Variants in HMGXB3 observed in about 807,000 individuals in gnomAD.
HMGXB3 encodes HMG domain-containing protein 3.
Under a neutral mutation model 121.5 loss-of-function variants are expected in HMGXB3, and 45 were observed. The observed-to-expected ratio is 0.37, with a 90% CI of 0.29 to 0.47. The LOEUF (loss-of-function observed/expected upper bound fraction) is 0.47, where lower values mean the gene tolerates loss of function less well. Ranked by LOEUF, HMGXB3 falls within the 20% of genes least tolerant of loss-of-function variation. The probability of loss-of-function intolerance (pLI) is 0.99; values close to 1 mark genes in which losing one functional copy is unlikely to be tolerated. For synonymous variants in HMGXB3, 590 were observed against 624.1 expected, an observed-to-expected ratio of 0.95 and a Z score of 0.81; for missense variants, 1,376 against 1,602.2, an observed-to-expected ratio of 0.86 and a Z score of 2.41.
chr5:150,052,037 G>A lies in HMGXB3; in HGVS notation c.3724G>A (p.Glu1242Lys), dbSNP rs1338790763. Residue 1242 changes from glutamate to lysine, a missense_variant, in exon 20 of 20, where the codon GAA (glutamate) becomes AAA (lysine). By Grantham distance (56) the Glu-to-Lys change is moderately conservative. Around this residue, in one of 2 missense-constraint regions of HMGXB3, gnomAD observed 260 missense variants for 233.2 expected, o/e 1.11. Coordinates refer to ENST00000502717, the MANE Select transcript of HMGXB3 (RefSeq NM_014983.3). ...NRLMDFLTSR[E>K]IVNRQIHDIV... ...CCTCATGGACTTCCTCACCAGCCGC[G>A]AAATTGTCAATCGTCAGATCCATGA... 7 of 1,552,060 alleles carry A rather than the reference G, an allele frequency of 4.5e-6. No homozygotes were observed. The highest frequency in any genetic ancestry group is 4.1e-5 in the African/African-American group (3 of 73,182).
In HMGXB3 at chr5:150,003,687, T is replaced by C. The variant is rs183899478; in HGVS notation, c.-2-1164T>C. Reference sequence around the variant, plus strand: ...TAGGAATGAACCCAGCAGGGCACAGTGTAATCCCACTCATGCCTGTAATAC... The same window carrying C: ...TAGGAATGAACCCAGCAGGGCACAGCGTAATCCCACTCATGCCTGTAATAC... On this transcript the variant is annotated intron_variant, in intron 1 of 19. Transcript: ENST00000502717. Among the ~76,000 whole-genome samples the C allele has an allele frequency of 1.4e-3, 210 of 151,748 alleles. 2 individuals carry two copies. In the South Asian group the frequency reaches 0.035, roughly 26 times the overall value.
chr5:150,025,344 T>C (rs1756202580), intron 7 of HMGXB3, among the ~76,000 whole-genome samples: 1 of 152,196 alleles, frequency 6.6e-6, no homozygotes, highest in Non-Finnish European at 1.5e-5. Context: ...AAGACCCTTA[T>C]TTGTATCAAT....
chr5:150,044,642 C>G (rs1475252735), intron 15 of HMGXB3, among the ~76,000 whole-genome samples: 1 of 152,192 alleles, frequency 6.6e-6, no homozygotes, highest in Non-Finnish European at 1.5e-5. Flanking sequence ...GATACTCTTG[C>G]TGCTTGTCCA....
rs140189033 is a variant in HMGXB3 at position 150,042,224 on chromosome 5, T to C, written c.2730+255T>C. Among the ~76,000 whole-genome samples, 954 of 152,338 alleles carry C rather than the reference T, an allele frequency of 6.3e-3. 9 individuals are homozygous for C. The highest frequency in any genetic ancestry group is 0.021 in the African/African-American group (890 of 41,570). On this transcript the variant is annotated intron_variant, in intron 15 of 19. Coordinates refer to ENST00000502717, the MANE Select transcript of HMGXB3 (RefSeq NM_014983.3). ...TCAAAAAATATATATAGTAAATATA[T>C]TGAACATAAACTAAATGCATGTTTT...
At chr5:150,015,044 G>A in intron 5 of HMGXB3, 2 of 481,966 alleles carry the variant, frequency 4.1e-6, no homozygotes, top group Non-Finnish European at 3.5e-6. Context: ...CCTAAATGTT[G>A]TGGTCATTAA....
chr5:150,030,577 C>G (rs1463537674), intron 9 of HMGXB3, 164 bp from the exon 10 acceptor site: 3 of 599,308 alleles, frequency 5.0e-6, no homozygotes, highest in Non-Finnish European at 9.1e-6. Flanking sequence ...TGACACTCAG[C>G]CTTTGGTGGG....
intron 11 of HMGXB3, among the ~76,000 whole-genome samples, chr5:150,035,762 G>T (rs1335857103): frequency 6.6e-6 from 1 of 152,154 alleles, no homozygotes; most frequent in African/African-American, 2.4e-5. Flanking sequence ...CCATTGAAGA[G>T]AGACCTGCTT....
At chr5:150,002,234 G>A (rs1446320579) in intron 1 of HMGXB3, among the ~76,000 whole-genome samples, 1 of 152,114 alleles carries the variant, frequency 6.6e-6, no homozygotes, top group East Asian at 1.9e-4. Context: ...TCTAGGAGAG[G>A]TTTTTTGTTG....
chr5:150,026,112 G>C (rs550488645), intron 7 of HMGXB3, among the ~76,000 whole-genome samples: 2 of 152,024 alleles, frequency 1.3e-5, no homozygotes, highest in South Asian at 4.1e-4. Flanking sequence ...TTACAGGCGT[G>C]AGCTACCGCG....
intron 11 of HMGXB3, among the ~76,000 whole-genome samples, chr5:150,036,238 G>A (rs1756498750): frequency 6.6e-6 from 1 of 152,126 alleles, no homozygotes; most frequent in Non-Finnish European, 1.5e-5. Flanking sequence ...TGACTATCCT[G>A]TATCTGAAGT....
intron 6 of HMGXB3, chr5:150,021,622 G>A (rs1756095750): frequency 1.9e-6 from 1 of 515,696 alleles, no homozygotes; most frequent in Non-Finnish European, 3.8e-6. Flanking sequence ...ACTGATGGAA[G>A]TAATTTGCTT....
At chr5:150,027,325 T>A (rs1469755675) in intron 9 of HMGXB3, among the ~76,000 whole-genome samples, 2 of 152,214 alleles carry the variant, frequency 1.3e-5, no homozygotes, top group African/African-American at 4.8e-5. Context: ...TAGAAATAAT[T>A]TATAACTTAG....
At chr5:150,016,856 G>A in intron 5 of HMGXB3, among the ~76,000 whole-genome samples, 1 of 151,886 alleles carries the variant, frequency 6.6e-6, no homozygotes, top group Non-Finnish European at 1.5e-5. Context: ...TCTTTTATTG[G>A]CTTATTAGCT....
At chr5:150,023,666 T>C (rs1756155509) in intron 6 of HMGXB3, among the ~76,000 whole-genome samples, 1 of 152,252 alleles carries the variant, frequency 6.6e-6, no homozygotes, top group African/African-American at 2.4e-5. Flanking sequence ...GTTTGAATAT[T>C]TGTAGCACAT....
intron 13 of HMGXB3, among the ~76,000 whole-genome samples, chr5:150,038,824 A>C (rs1756558041): frequency 6.6e-6 from 1 of 152,214 alleles, no homozygotes; most frequent in Non-Finnish European, 1.5e-5. Context: ...GATGTACCAC[A>C]GGTTGTTTAG....
chr5:150,024,156 T>C (rs1756165672), intron 6 of HMGXB3, 106 bp from the exon 7 acceptor site: 2 of 913,792 alleles, frequency 2.2e-6, no homozygotes, highest in Non-Finnish European at 3.2e-6. Context: ...TCATGGACCT[T>C]AGTTTCCTTA....
chr5:150,026,239 A>T (rs1263142784), intron 7 of HMGXB3, among the ~76,000 whole-genome samples: 2 of 152,190 alleles, frequency 1.3e-5, no homozygotes, highest in Non-Finnish European at 2.9e-5. Context: ...AGACACGTAA[A>T]TCACTCTAGC....
intron 3 of HMGXB3, among the ~76,000 whole-genome samples, chr5:150,008,030 C>G (rs1755742597): frequency 2.7e-5 from 4 of 149,946 alleles, no homozygotes; most frequent in Non-Finnish European, 4.4e-5. Context: ...GCACTCTAGC[C>G]TGGGCAACAG....
At chr5:150,025,742 A>T (rs1051499962) in intron 7 of HMGXB3, among the ~76,000 whole-genome samples, 4 of 141,524 alleles carry the variant, frequency 2.8e-5, no homozygotes, top group African/African-American at 5.2e-5. Context: ...TAATTTTTGT[A>T]TTTTTTTTTT....
Sources: gnomAD v4.1 joint callset for allele counts (sites outside exome capture counted in the v4.1 genomes callset) on GRCh38, gnomAD v4.1.1 for gene constraint, gnomAD v4.1.1 regional missense constraint, MANE v1.5 for transcripts, NCBI Gene and HGNC (gene_info 2026-07-23, HGNC 2026-07-21) for gene names.